CNTLN: variants seen among roughly 807,000 people sequenced by gnomAD.
CNTLN encodes centlein, centrosomal protein.
Under a neutral mutation model 180.0 loss-of-function variants are expected in CNTLN, and 212 were observed. The ratio of observed to expected loss-of-function variants is 1.18; its 90% confidence interval spans 1.05 to 1.32. The LOEUF (loss-of-function observed/expected upper bound fraction) is 1.32, where lower values mean the gene tolerates loss of function less well. Ranked by LOEUF, CNTLN falls within the 40% of genes most tolerant of loss-of-function variation. The pLI, the probability that CNTLN is intolerant of heterozygous loss-of-function variation, is 0.00. For synonymous variants in CNTLN, 722 were observed against 563.1 expected (o/e 1.28, Z -3.99); for missense variants, 2,095 against 1,610.9 (o/e 1.30, Z -5.14).
At chr9:17,308,411 C>T (rs1199496693) in intron 7 of CNTLN, among the ~76,000 whole-genome samples, 1 of 152,070 alleles carries the variant, frequency 6.6e-6, no homozygotes, top group East Asian at 1.9e-4. Flanking sequence ...CTTTCTACAG[C>T]CTTACTGCTT....
chr9:17,521,241 G>T, the CNTLN span, among the ~76,000 whole-genome samples: 2 of 144,152 alleles, frequency 1.4e-5, no homozygotes, highest in Non-Finnish European at 3.0e-5. Flanking sequence ...GTTTAGAAAA[G>T]CTAGAGAGAG....
chr9:17,185,424 G>A (rs1821366792), intron 2 of CNTLN, among the ~76,000 whole-genome samples: 1 of 152,232 alleles, frequency 6.6e-6, no homozygotes, highest in Non-Finnish European at 1.5e-5. Context: ...TGTTGGCACA[G>A]CATTGTTTCT....
At chr9:17,522,201 T>C in the CNTLN span, among the ~76,000 whole-genome samples, 3 of 152,190 alleles carry the variant, frequency 2.0e-5, no homozygotes, top group Non-Finnish European at 4.4e-5. Flanking sequence ...GCTAGTATAG[T>C]GCCTGCCACA....
chr9:17,450,676 T>G (rs1384155231), intron 18 of CNTLN, among the ~76,000 whole-genome samples: 1 of 152,150 alleles, frequency 6.6e-6, no homozygotes, highest in East Asian at 1.9e-4. Flanking sequence ...TCCTCTATAT[T>G]ACCTTCATTT....
intron 16 of CNTLN, among the ~76,000 whole-genome samples, chr9:17,414,700 G>C (rs1293983284): frequency 6.6e-6 from 1 of 152,098 alleles, no homozygotes; most frequent in Non-Finnish European, 1.5e-5. Context: ...ATGACTTTCA[G>C]GCAATTTGTT....
chr9:17,369,517 C>G lies in CNTLN; in HGVS notation c.1987+2800C>G, dbSNP rs1225833843. On this transcript the variant is annotated intron_variant, in intron 13 of 25. Coordinates refer to ENST00000380647, the MANE Select transcript of CNTLN (RefSeq NM_017738.4). ...TGTTTTGAGGAAACTCAAAGAAATT[C>G]AAGATAACATGGAGAAGGATTTCAG... 2.0e-5 allele frequency among the ~76,000 whole-genome samples: 3 copies of G among 151,480 alleles called. 1 individual carries two copies. The highest frequency in any genetic ancestry group is 4.2e-4 in the South Asian group (2 of 4,802).
chr9:17,369,189 G>T (rs1824096397), intron 13 of CNTLN, among the ~76,000 whole-genome samples: 1 of 152,090 alleles, frequency 6.6e-6, no homozygotes, highest in African/African-American at 2.4e-5. Flanking sequence ...GGTTTTGTAA[G>T]GGGCTTTTTC....
At chr9:17,279,084 C>T (rs2132563014) in intron 6 of CNTLN, among the ~76,000 whole-genome samples, 1 of 151,954 alleles carries the variant, frequency 6.6e-6, no homozygotes, top group South Asian at 2.1e-4. Context: ...CTTGGCGATT[C>T]ATGTTATTAT....
chr9:17,463,320 C>A (rs964492058), intron 20 of CNTLN, among the ~76,000 whole-genome samples: 4 of 151,304 alleles, frequency 2.6e-5, no homozygotes, highest in African/African-American at 9.7e-5. Context: ...TTATTTGGCC[C>A]CCCAAATATA....
At chr9:17,518,191 A>C in the CNTLN span, among the ~76,000 whole-genome samples, 1 of 151,248 alleles carries the variant, frequency 6.6e-6, no homozygotes, top group Non-Finnish European at 1.5e-5. Context: ...AGGATTACAG[A>C]TGTGCACCAC....
chr9:17,279,556 G>A lies in CNTLN; in HGVS notation c.983+5690G>A, dbSNP rs574636056. On this transcript the variant is annotated intron_variant, in intron 6 of 25. Coordinates refer to ENST00000380647, the MANE Select transcript of CNTLN (RefSeq NM_017738.4). ...CCACTATAGTCTGATGCTCCAGTTT[G>A]GTTCTTAGAACAGAGAAAAGCAAAT... Among the ~76,000 whole-genome samples the A allele has an allele frequency of 2.0e-5, 3 of 151,734 alleles. No homozygotes were observed. In the South Asian group the frequency reaches 6.3e-4, roughly 32 times the overall value.
intron 12 of CNTLN, among the ~76,000 whole-genome samples, chr9:17,358,957 T>C (rs1301323896): frequency 2.0e-5 from 3 of 152,122 alleles, no homozygotes; most frequent in African/African-American, 7.2e-5. Flanking sequence ...GAGGAAAACA[T>C]AGGAGAACAT....
intron 15 of CNTLN, 22 bp from the exon 16 acceptor site, chr9:17,409,271 G>A (rs964340397): frequency 3.1e-5 from 50 of 1,598,548 alleles, no homozygotes; most frequent in Non-Finnish European, 4.2e-5. Flanking sequence ...TGGATTTTAT[G>A]TCCCTACTTT....
chr9:17,192,880 C>T (rs914381732), intron 2 of CNTLN, among the ~76,000 whole-genome samples: 1 of 152,096 alleles, frequency 6.6e-6, no homozygotes, highest in Non-Finnish European at 1.5e-5. Flanking sequence ...TAAAGACGTA[C>T]CTGAGACTGG....
intron 5 of CNTLN, among the ~76,000 whole-genome samples, chr9:17,250,058 G>T (rs1826048301): frequency 6.6e-6 from 1 of 151,278 alleles, no homozygotes. Flanking sequence ...TTGGGGCTCT[G>T]TTGTTTGGTG....
At chr9:17,472,296 G>A (rs1028368851) in intron 23 of CNTLN, among the ~76,000 whole-genome samples, 3 of 152,006 alleles carry the variant, frequency 2.0e-5, no homozygotes, top group Admixed American at 2.0e-4. Context: ...TAAGATGTAG[G>A]AATGAATATT....
intron 2 of CNTLN, among the ~76,000 whole-genome samples, chr9:17,201,119 T>A (rs1437162208): frequency 6.6e-6 from 1 of 152,248 alleles, no homozygotes; most frequent in Non-Finnish European, 1.5e-5. Context: ...GTTCTGTTTA[T>A]GTGATGGATT....
At chr9:17,523,327 C>G in the CNTLN span, among the ~76,000 whole-genome samples, 1 of 152,138 alleles carries the variant, frequency 6.6e-6, no homozygotes, top group East Asian at 1.9e-4. Context: ...ACCTCCGCGT[C>G]CTGGTTCAAG....
chr9:17,362,988 A>G (rs1320043717), intron 12 of CNTLN, among the ~76,000 whole-genome samples: 3 of 151,938 alleles, frequency 2.0e-5, no homozygotes, highest in Non-Finnish European at 2.9e-5. Flanking sequence ...AAAATGCGGT[A>G]TTTGGTTTTC....
Sources: gnomAD v4.1 joint callset for allele counts (sites outside exome capture counted in the v4.1 genomes callset) on GRCh38, gnomAD v4.1.1 for gene constraint, MANE v1.5 for transcripts, NCBI Gene and HGNC (gene_info 2026-07-23, HGNC 2026-07-21) for gene names.